Variants in AGMO observed in about 807,000 individuals in gnomAD.
AGMO encodes alkylglycerol monooxygenase, also known as glyceryl-ether monooxygenase.
AGMO carries 75 observed loss-of-function variants against 60.2 expected under a neutral mutation model. The ratio of observed to expected loss-of-function variants is 1.25; its 90% CI spans 1.03 to 1.51. The LOEUF is 1.51. AGMO is among the 40% of genes most tolerant of loss of function. The probability of loss-of-function intolerance (pLI) is 0.00; values close to 1 mark genes in which losing one functional copy is unlikely to be tolerated. For synonymous variants in AGMO, 261 were observed against 177.1 expected (o/e 1.47, Z -3.76); for missense variants, 763 against 525.5 (o/e 1.45, Z -4.42).
At chr7:15,352,625 C>G (rs544783487) in intron 12 of AGMO, among the ~76,000 whole-genome samples, 2 of 151,890 alleles carry the variant, frequency 1.3e-5, no homozygotes, top group African/African-American at 4.8e-5. Flanking sequence ...ACCAGACATT[C>G]TGGCCTTGAG....
intron 3 of AGMO, among the ~76,000 whole-genome samples, chr7:15,517,333 G>GTA (rs201646168): frequency 0.013 from 2,028 of 151,274 alleles, 47 homozygotes; most frequent in African/African-American, 0.048. Flanking sequence ...GTGTGTGTGT[G>GTA]TATATACTTA....
intron 3 of AGMO, among the ~76,000 whole-genome samples, chr7:15,542,364 C>A (rs953256228): frequency 7.9e-5 from 12 of 152,226 alleles, no homozygotes; most frequent in African/African-American, 2.9e-4. Context: ...TAATGAGAAG[C>A]ATACTTTAAA....
In AGMO at chr7:15,322,695, AATATG is replaced by A. The variant is rs1563086821; in HGVS notation, c.1263+42814_1263+42818del. Among the ~76,000 whole-genome samples, 23 of 54,814 alleles carry A rather than the reference AATATG, an allele frequency of 4.2e-4. 5 individuals are homozygous for A. Among genetic ancestry groups the A allele is most frequent in the African/African-American group, 2.1e-3 (16 of 7,466 alleles). 36.0% of individuals were successfully genotyped at this position (54,814 alleles called of 152,430 possible). ...AAATATATGTATATATAAATATATG[AATATG>A]TATAAATATATATAAATATATAAAT... On this transcript the variant is annotated intron_variant, in intron 12 of 12. Transcript: ENST00000342526.
At chr7:15,355,017 G>A (rs1782467870) in intron 12 of AGMO, among the ~76,000 whole-genome samples, 1 of 151,894 alleles carries the variant, frequency 6.6e-6, no homozygotes, top group Non-Finnish European at 1.5e-5. Flanking sequence ...TAAATATTTG[G>A]CCTATTGAAG....
At chr7:15,206,523 C>G (rs1269982758) in intron 12 of AGMO, among the ~76,000 whole-genome samples, 5 of 151,888 alleles carry the variant, frequency 3.3e-5, no homozygotes, top group African/African-American at 1.2e-4. Context: ...AGGTTTTTTC[C>G]TATCTAAATT....
chr7:15,486,192 T>C (rs189430609), intron 3 of AGMO, among the ~76,000 whole-genome samples: 3 of 152,164 alleles, frequency 2.0e-5, no homozygotes, highest in East Asian at 3.9e-4. Context: ...GCTATAACAT[T>C]AGTGTTCAGT....
At chr7:15,382,564 T>C (rs1376541839) in intron 10 of AGMO, among the ~76,000 whole-genome samples, 3 of 152,168 alleles carry the variant, frequency 2.0e-5, no homozygotes, top group Non-Finnish European at 4.4e-5. Context: ...AACAAGATGC[T>C]GTAGAAGTAT....
At chr7:15,528,416 T>C (rs1784182363) in intron 3 of AGMO, among the ~76,000 whole-genome samples, 1 of 152,074 alleles carries the variant, frequency 6.6e-6, no homozygotes, top group Non-Finnish European at 1.5e-5. Context: ...TACACTTGTG[T>C]TACCATACAT....
intron 12 of AGMO, among the ~76,000 whole-genome samples, chr7:15,282,286 G>T (rs898338425): frequency 7.2e-5 from 11 of 151,798 alleles, no homozygotes; most frequent in Admixed American, 3.9e-4. Flanking sequence ...GCTACTCAAG[G>T]AGATATCAAG....
intron 12 of AGMO, among the ~76,000 whole-genome samples, chr7:15,260,450 T>C (rs1288221361): frequency 6.6e-6 from 1 of 152,014 alleles, no homozygotes; most frequent in Non-Finnish European, 1.5e-5. Flanking sequence ...AAAGGACTAG[T>C]ACAACAGGAA....
At chr7:15,215,939 C>T (rs1005413002) in intron 12 of AGMO, among the ~76,000 whole-genome samples, 28 of 152,056 alleles carry the variant, frequency 1.8e-4, no homozygotes, top group African/African-American at 4.3e-4. Flanking sequence ...TTTAAAAACC[C>T]GTATCGGCTT....
At chr7:15,431,957 C>T (rs1359394795) in intron 3 of AGMO, among the ~76,000 whole-genome samples, 1 of 151,632 alleles carries the variant, frequency 6.6e-6, no homozygotes, top group Non-Finnish European at 1.5e-5. Flanking sequence ...TTATTCTGCC[C>T]ATATTTTAAA....
chr7:15,250,699 G>A (rs1782903735), intron 12 of AGMO, among the ~76,000 whole-genome samples: 1 of 152,102 alleles, frequency 6.6e-6, no homozygotes, highest in East Asian at 1.9e-4. Flanking sequence ...CAGCACTTTG[G>A]GAAGCTGAGG....
chr7:15,402,327 T>C (rs913012025), intron 5 of AGMO, among the ~76,000 whole-genome samples: 1 of 151,824 alleles, frequency 6.6e-6, no homozygotes, highest in Non-Finnish European at 1.5e-5. Flanking sequence ...TCTCTTCTTC[T>C]TCTCTTTTTG....
intron 3 of AGMO, among the ~76,000 whole-genome samples, chr7:15,465,224 G>A (rs764693086): frequency 3.3e-5 from 5 of 151,846 alleles, no homozygotes; most frequent in Non-Finnish European, 7.4e-5. Flanking sequence ...GGGCTCGCCA[G>A]GACCAACCCA....
chr7:15,137,907 C>T, the AGMO span, among the ~76,000 whole-genome samples: 1 of 121,064 alleles, frequency 8.3e-6, no homozygotes. Flanking sequence ...TTAACTGAAA[C>T]AAGTGCTCTC....
chr7:15,548,338 G>A, intron 2 of AGMO, among the ~76,000 whole-genome samples: 1 of 151,858 alleles, frequency 6.6e-6, no homozygotes, highest in South Asian at 2.1e-4. Flanking sequence ...CGAGCTGAGA[G>A]AAGAAGGCTT....
chr7:15,149,377 T>C, the AGMO span, among the ~76,000 whole-genome samples: 1 of 152,156 alleles, frequency 6.6e-6, no homozygotes, highest in Non-Finnish European at 1.5e-5. Flanking sequence ...GACTTCACCA[T>C]GAAATCCTTG....
chr7:15,290,620 T>C (rs1457748625), intron 12 of AGMO, among the ~76,000 whole-genome samples: 3 of 152,176 alleles, frequency 2.0e-5, no homozygotes, highest in African/African-American at 4.8e-5. Flanking sequence ...CATAGAGGAA[T>C]GGGCACCAGG....
Sources: gnomAD v4.1 joint callset for allele counts (sites outside exome capture counted in the v4.1 genomes callset) on GRCh38, gnomAD v4.1.1 for gene constraint, MANE v1.5 for transcripts, NCBI Gene and HGNC (gene_info 2026-07-23, HGNC 2026-07-21) for gene names.